PARPBP: variants seen among roughly 807,000 people sequenced by gnomAD.
PARPBP encodes PARP1 binding protein.
In PARPBP, 52 loss-of-function variants were observed where a neutral mutation model predicts 50.0. That is an observed-to-expected ratio of 1.04 (90% CI 0.83 to 1.31). The LOEUF (loss-of-function observed/expected upper bound fraction) is 1.31, where lower values mean the gene tolerates loss of function less well. Among genes scored for constraint, PARPBP ranks in the 50% most tolerant of loss-of-function variants. The pLI, the probability that PARPBP is intolerant of heterozygous loss-of-function variation, is 0.00. For synonymous variants in PARPBP, 244 were observed against 232.1 expected (o/e 1.05, Z -0.47); for missense variants, 697 against 672.0 (o/e 1.04, Z -0.41).
chr12:102,195,353 T>C lies in PARPBP; in HGVS notation c.1305T>C (p.Tyr435=). ...TTAGATCCCAATTTGCTTGTACTTA[T>C]AAAGATGACTACATGATAAGCAAGG... The part of the protein sequence containing the change: ...TLIRSQFACT[Y]KDDYMISKDN... The change falls in exon 10 of 11, where the codon TAT becomes TAC. Residue 435 remains tyrosine (Y), a synonymous_variant. Transcript: ENST00000327680. The C allele has an allele frequency of 1.3e-6, 2 of 1,585,218 alleles. No homozygotes were observed. Among genetic ancestry groups the C allele is most frequent in the Non-Finnish European group, 1.7e-6 (2 of 1,158,388 alleles).
chr12:102,137,327 T>A (rs1321610196), intron 2 of PARPBP, among the ~76,000 whole-genome samples: 1 of 152,186 alleles, frequency 6.6e-6, no homozygotes, highest in Non-Finnish European at 1.5e-5. Context: ...AGTAAAACTT[T>A]TGAATACCTA....
chr12:102,195,062 CTG>C (rs1411884967), intron 9 of PARPBP, among the ~76,000 whole-genome samples: 1 of 150,330 alleles, frequency 6.7e-6, no homozygotes, highest in Non-Finnish European at 1.5e-5. Flanking sequence ...TGTTTTGTAA[CTG>C]TTACCAAAAA....
intron 8 of PARPBP, 76 bp downstream of exon 8, chr12:102,178,846 G>A: frequency 1.3e-5 from 12 of 933,804 alleles, no homozygotes; most frequent in South Asian, 7.8e-5. Flanking sequence ...GCTTATGGTA[G>A]GAAACTTAGA....
At chr12:102,160,110 G>A (rs1887403661) in intron 4 of PARPBP, among the ~76,000 whole-genome samples, 1 of 152,080 alleles carries the variant, frequency 6.6e-6, no homozygotes, top group Non-Finnish European at 1.5e-5. Context: ...CTTTTCCAGG[G>A]AACCTCTTTA....
chr12:102,155,456 G>A (rs968291671), intron 4 of PARPBP, among the ~76,000 whole-genome samples: 4 of 151,894 alleles, frequency 2.6e-5, no homozygotes, highest in African/African-American at 4.8e-5. Flanking sequence ...GAAGGTGACC[G>A]CATCCACCTT....
At chr12:102,135,220 C>A (rs1883441080) in intron 2 of PARPBP, among the ~76,000 whole-genome samples, 1 of 152,046 alleles carries the variant, frequency 6.6e-6, no homozygotes. Context: ...GAGTTGAACA[C>A]TTACATACTG....
chr12:102,193,698 A>G (rs1449124548), intron 9 of PARPBP, among the ~76,000 whole-genome samples: 1 of 152,046 alleles, frequency 6.6e-6, no homozygotes. Flanking sequence ...AAACTTATTT[A>G]AATAGGTTTA....
At chr12:102,184,320 T>A (rs1168308097) in intron 9 of PARPBP, among the ~76,000 whole-genome samples, 1 of 152,162 alleles carries the variant, frequency 6.6e-6, no homozygotes, top group Non-Finnish European at 1.5e-5. Context: ...ATTTTATCCT[T>A]GGTGTTATAA....
At position 102,195,365 on chromosome 12, in the gene PARPBP, C is replaced by G; in HGVS notation, c.1317C>G (p.Tyr439Ter). ...TTGCTTGTACTTATAAAGATGACTA[C>G]ATGATAAGCAAGGATAATTGGAATA... ...SQFACTYKDDYMISKDNWNNV... is the reference protein window; with the variant it reads ...SQFACTYKDD Residue 439 changes from tyrosine to a stop codon, truncating the protein, a stop_gained, in exon 10 of 11, where the codon TAC becomes TAG. Coordinates refer to ENST00000327680, the MANE Select transcript of PARPBP (RefSeq NM_017915.5). LOFTEE classifies it high-confidence loss of function. The G allele has an allele frequency of 6.3e-7, 1 of 1,587,970 alleles. No individual in the cohort carries two copies. The highest frequency in any genetic ancestry group is 8.6e-7 in the Non-Finnish European group (1 of 1,159,778).
intron 2 of PARPBP, among the ~76,000 whole-genome samples, chr12:102,139,477 T>C (rs968029467): frequency 2.0e-5 from 3 of 152,220 alleles, no homozygotes; most frequent in African/African-American, 7.2e-5. Context: ...CCTTTATTTC[T>C]TTCTCCTGCC....
intron 2 of PARPBP, among the ~76,000 whole-genome samples, chr12:102,128,664 C>G (rs1594437487): frequency 6.6e-6 from 1 of 152,156 alleles, no homozygotes; most frequent in African/African-American, 2.4e-5. Context: ...GGATTTCTCT[C>G]TTTTATGGGG....
At chr12:102,181,716 G>T (rs1565899285) in intron 8 of PARPBP, among the ~76,000 whole-genome samples, 1 of 152,052 alleles carries the variant, frequency 6.6e-6, no homozygotes, top group Non-Finnish European at 1.5e-5. Flanking sequence ...AAGCCATTTT[G>T]GTTTGTAAGT....
intron 6 of PARPBP, among the ~76,000 whole-genome samples, chr12:102,169,058 T>C (rs960614829): frequency 6.6e-6 from 1 of 152,168 alleles, no homozygotes; most frequent in Admixed American, 6.5e-5. Flanking sequence ...AGCACAATTT[T>C]TGCCAGAATA....
At chr12:102,146,280 C>G (rs1454167979) in intron 2 of PARPBP, among the ~76,000 whole-genome samples, 2 of 151,820 alleles carry the variant, frequency 1.3e-5, no homozygotes, top group African/African-American at 2.4e-5. Context: ...GCCAAAAGAA[C>G]AAAGCTGGAG....
intron 2 of PARPBP, among the ~76,000 whole-genome samples, chr12:102,144,333 G>A (rs935827083): frequency 6.6e-6 from 1 of 152,124 alleles, no homozygotes; most frequent in African/African-American, 2.4e-5. Context: ...TCCTTCTTAT[G>A]TCCATCAGAG....
At chr12:102,131,654 C>T (rs1421740142) in intron 2 of PARPBP, among the ~76,000 whole-genome samples, 2 of 152,124 alleles carry the variant, frequency 1.3e-5, no homozygotes, top group Admixed American at 1.3e-4. Context: ...GAATACTCTA[C>T]AGCCGTAAAA....
chr12:102,131,235 G>T (rs147331997), intron 2 of PARPBP, among the ~76,000 whole-genome samples: 28 of 152,270 alleles, frequency 1.8e-4, no homozygotes, highest in African/African-American at 6.5e-4. Context: ...TGAGGCATTA[G>T]AATCACTTGA....
rs540223101 is a variant in PARPBP at position 102,146,488 on chromosome 12, T to C, written c.154-1742T>C. ...GGGAAAGGATTCCCTATTTAATAAATGGTGCTGGGAAAACTGGCTAGCCAT... is the reference window on the plus strand; with the variant it reads ...GGGAAAGGATTCCCTATTTAATAAACGGTGCTGGGAAAACTGGCTAGCCAT... On this transcript the variant is annotated intron_variant, in intron 2 of 10. Transcript: ENST00000327680. 1.5e-4 allele frequency among the ~76,000 whole-genome samples: 23 copies of C among 152,246 alleles called. No homozygotes were observed. The East Asian group carries it at 4.4e-3, about 29-fold the overall frequency.
rs150243934 is a variant in PARPBP, at chr12:102,187,336, A to G, written c.1263+4709A>G. Among the ~76,000 whole-genome samples the G allele has an allele frequency of 2.3e-3, 344 of 152,310 alleles. 1 individual carries two copies. Among genetic ancestry groups the G allele is most frequent in the Non-Finnish European group, 4.3e-3 (290 of 68,022 alleles). ...CTAATACTTCCAAAACTGAGAACTA[A>G]GGTGTGCATTCCTTTTTTTTCTTTT... On this transcript the variant is annotated intron_variant, in intron 9 of 10. Transcript: ENST00000327680.
Sources: gnomAD v4.1 joint callset for allele counts (sites outside exome capture counted in the v4.1 genomes callset) on GRCh38, gnomAD v4.1.1 for gene constraint, MANE v1.5 for transcripts, NCBI Gene and HGNC (gene_info 2026-07-23, HGNC 2026-07-21) for gene names.